Variants in HDGFL2 observed in about 807,000 individuals in gnomAD.
The protein encoded by HDGFL2 is hepatoma-derived growth factor-related protein 2.
A neutral mutation model predicts 77.1 loss-of-function variants in HDGFL2; 36 were observed. That is an observed-to-expected ratio of 0.47 (90% CI 0.36 to 0.62). The LOEUF is 0.62. HDGFL2 is among the 20% of genes least tolerant of loss of function. The pLI is 0.00. For synonymous variants in HDGFL2, 463 were observed against 413.1 expected, an observed-to-expected ratio of 1.12 and a Z score of -1.46; for missense variants, 976 against 973.4, an observed-to-expected ratio of 1.00 and a Z score of -0.04.
At chr19:4,475,787 T>C (rs1374583878) in intron 3 of HDGFL2, among the ~76,000 whole-genome samples, 1 of 151,916 alleles carries the variant, frequency 6.6e-6, no homozygotes, top group Non-Finnish European at 1.5e-5. Context: ...CCATTCATGG[T>C]GATGACAGAT....
intron 10 of HDGFL2, 47 bp downstream of exon 10, chr19:4,496,452 C>T (rs769951918): frequency 1.4e-6 from 2 of 1,396,536 alleles, no homozygotes; most frequent in East Asian, 2.4e-5. Flanking sequence ...CCGCACCCCG[C>T]ATCACCCCAC....
chr19:4,484,088 CTTTTTT>C (rs577665698), intron 3 of HDGFL2, among the ~76,000 whole-genome samples: 1 of 122,688 alleles, frequency 8.2e-6, no homozygotes. Flanking sequence ...TGCACCCGGC[CTTTTTT>C]TTTTTTTTTT....
In HDGFL2 at chr19:4,472,342, G is replaced by T; in HGVS notation, c.-9G>T. ...CCGCTTTCCGCGGCCTGGGCCTCTC[G>T]CCGTCAGCATGCCACACGCCTTCAA... On this transcript the variant is annotated 5_prime_UTR_variant, in exon 1 of 16. Coordinates refer to ENST00000616600, the MANE Select transcript of HDGFL2 (RefSeq NM_001001520.3). 2 of 1,514,836 alleles carry T rather than the reference G, an allele frequency of 1.3e-6. No homozygotes were observed. The highest frequency in any genetic ancestry group is 2.5e-5 in the South Asian group (2 of 79,384). 93.8% of individuals were successfully genotyped at this position (1,514,836 alleles called of 1,614,324 possible).
chr19:4,492,805 T>A (rs1025719606), intron 6 of HDGFL2, among the ~76,000 whole-genome samples: 2 of 148,714 alleles, frequency 1.3e-5, no homozygotes, highest in Non-Finnish European at 3.0e-5. Flanking sequence ...TTCTGGTCTG[T>A]GTGTTATGTG....
chr19:4,495,175 G>C (rs1469718739), intron 9 of HDGFL2, among the ~76,000 whole-genome samples: 1 of 152,118 alleles, frequency 6.6e-6, no homozygotes, highest in African/African-American at 2.4e-5. Context: ...ATCACGAGGT[G>C]AGGAGATCAA....
intron 3 of HDGFL2, among the ~76,000 whole-genome samples, chr19:4,481,611 C>G (rs947846271): frequency 3.9e-5 from 6 of 152,232 alleles, no homozygotes; most frequent in Non-Finnish European, 7.4e-5. Flanking sequence ...CAGGCTTGAG[C>G]CACCGCGCCC....
At chr19:4,475,239 G>T in intron 1 of HDGFL2, 36 bp from the exon 2 acceptor site, 2 of 1,595,858 alleles carry the variant, frequency 1.3e-6, no homozygotes, top group Non-Finnish European at 8.6e-7. Context: ...CTGGGTCAGT[G>T]GGTAAAGCCA....
Position 4,494,429 on chromosome 19 carries a change from C to A in HDGFL2, c.1178C>A (p.Pro393His), listed in dbSNP as rs1401598297. The change falls in exon 9 of 16, where the codon CCC becomes CAC. Residue 393 changes from proline to histidine, a missense_variant. By Grantham distance (77) the Pro-to-His change is moderately conservative. This residue lies in a region of HDGFL2 where 567 missense variants were observed against 534.7 expected (regional missense o/e 1.06). Transcript: ENST00000616600. Reference protein sequence around the residue: ...KRGRKGRGRGPPSSSDSEPEA... With the variant: ...KRGRKGRGRGHPSSSDSEPEA... ...GGACGCAAGGGCCGGGGCCGGGGTCCCCCGTCCTCCTCTGACTCCGAGCCC... is the reference window on the plus strand; with the variant it reads ...GGACGCAAGGGCCGGGGCCGGGGTCACCCGTCCTCCTCTGACTCCGAGCCC... The A allele has an allele frequency of 7.1e-7, 1 of 1,406,428 alleles. No individual in the cohort carries two copies. The highest frequency in any genetic ancestry group is 2.9e-5 in the East Asian group (1 of 34,192). 87.1% of individuals were successfully genotyped at this position (1,406,428 alleles called of 1,614,324 possible).
chr19:4,501,644 A>C, intron 15 of HDGFL2: 1 of 475,092 alleles, frequency 2.1e-6, no homozygotes. Flanking sequence ...TGTGCCCATC[A>C]CTGTGGGCTG....
chr19:4,476,418 C>T (rs1412158407), intron 3 of HDGFL2, among the ~76,000 whole-genome samples: 4 of 151,632 alleles, frequency 2.6e-5, no homozygotes, highest in African/African-American at 9.7e-5. Context: ...GTCTCGAACT[C>T]CTGAACTCAG....
At chr19:4,485,121 G>A (rs1426872833) in intron 3 of HDGFL2, among the ~76,000 whole-genome samples, 4 of 152,056 alleles carry the variant, frequency 2.6e-5, no homozygotes, top group Non-Finnish European at 5.9e-5. Context: ...TATTTTCAAC[G>A]CTTCACAAAG....
chr19:4,490,982 T>G (rs969482492), intron 4 of HDGFL2, among the ~76,000 whole-genome samples: 2 of 151,956 alleles, frequency 1.3e-5, no homozygotes, highest in African/African-American at 4.8e-5. Context: ...CAGCTAATTT[T>G]GTTTTTCAGT....
intron 3 of HDGFL2, among the ~76,000 whole-genome samples, chr19:4,478,120 T>A (rs1024167327): frequency 6.6e-6 from 1 of 150,616 alleles, no homozygotes; most frequent in Non-Finnish European, 1.5e-5. Context: ...TGGGCCATTT[T>A]CCTAGAGGCA....
chr19:4,493,943 C>T, intron 7 of HDGFL2, 39 bp from the exon 8 acceptor site: 1 of 1,578,522 alleles, frequency 6.3e-7, no homozygotes, highest in Non-Finnish European at 8.6e-7. Flanking sequence ...ACCTTGGAGC[C>T]CTGGAAGGGA....
At chr19:4,495,180 G>A (rs1025521203) in intron 9 of HDGFL2, among the ~76,000 whole-genome samples, 42 of 152,060 alleles carry the variant, frequency 2.8e-4, no homozygotes, top group Non-Finnish European at 1.9e-4. Context: ...GAGGTGAGGA[G>A]ATCAAGACCA....
intron 3 of HDGFL2, among the ~76,000 whole-genome samples, chr19:4,479,096 G>T (rs529021241): frequency 6.6e-6 from 1 of 151,610 alleles, no homozygotes; most frequent in South Asian, 2.1e-4. Context: ...GGAGGCCAAG[G>T]GGGCAGATCA....
At chr19:4,496,792 G>A in intron 10 of HDGFL2, 3 of 378,918 alleles carry the variant, frequency 7.9e-6, no homozygotes, top group South Asian at 6.2e-5. Context: ...GAGGAGGAGG[G>A]AGAAACTGCA....
intron 3 of HDGFL2, among the ~76,000 whole-genome samples, chr19:4,477,969 A>C (rs1274415499): frequency 6.6e-6 from 1 of 151,258 alleles, no homozygotes; most frequent in African/African-American, 2.4e-5. Context: ...AATCCCAGCT[A>C]CTCGGGAGGC....
intron 1 of HDGFL2, among the ~76,000 whole-genome samples, chr19:4,472,949 C>G (rs996813003): frequency 6.7e-6 from 1 of 148,644 alleles, no homozygotes; most frequent in Non-Finnish European, 1.5e-5. Context: ...CTGAGGGTGT[C>G]TGCGGCCTGA....
Sources: allele counts gnomAD v4.1 joint callset (sites outside exome capture counted in the v4.1 genomes callset), GRCh38; gene constraint gnomAD v4.1.1; regional missense constraint gnomAD v4.1.1; transcripts MANE v1.5; gene names NCBI Gene and HGNC (gene_info 2026-07-23, HGNC 2026-07-21).